The following CNTN5 variants were observed in gnomAD, a reference collection of about 807,000 sequenced individuals.
CNTN5 encodes contactin 5.
Under a neutral mutation model 129.1 loss-of-function variants are expected in CNTN5, and 77 were observed. The ratio of observed to expected loss-of-function variants is 0.60; its 90% confidence interval spans 0.50 to 0.72. The LOEUF is 0.72. Among genes scored for constraint, CNTN5 ranks in the 30% least tolerant of loss-of-function variants. The probability of loss-of-function intolerance (pLI) is 0.00; values close to 1 mark genes in which losing one functional copy is unlikely to be tolerated. For synonymous variants in CNTN5, 509 were observed against 465.6 expected, an observed-to-expected ratio of 1.09 and a Z score of -1.20; for missense variants, 1,478 against 1,328.8, an observed-to-expected ratio of 1.11 and a Z score of -1.75.
chr11:99,338,051 A>T (rs1054296617), intron 2 of CNTN5, among the ~76,000 whole-genome samples: 3 of 152,186 alleles, frequency 2.0e-5, no homozygotes, highest in Non-Finnish European at 4.4e-5. Context: ...TTGCTGTAAA[A>T]TAGAAAATTA....
rs745905925 is a variant in CNTN5 at position 100,061,288 on chromosome 11, G to A, written c.1057G>A (p.Val353Met). The change falls in exon 10 of 25, where the codon GTG (valine) becomes ATG (methionine). Residue 353 changes from valine to methionine, a missense_variant. Physicochemically the swap from Val to Met is conservative, Grantham distance 21 (BLOSUM62 1). Transcript: ENST00000524871. ...SKARLRKSQA[V>M]LEIPNVQLDD... ...GGCACGTCTGCGGAAATCTCAGGCG[G>A]TGCTGGAAATACCGAATGTACAGCT... The A allele has an allele frequency of 1.2e-6, 2 of 1,613,596 alleles. No homozygotes were observed. The highest frequency in any genetic ancestry group is 3.3e-5 in the Admixed American group (2 of 60,004).
At chr11:99,168,577 C>T (rs1198714239) in intron 1 of CNTN5, among the ~76,000 whole-genome samples, 1 of 43,612 alleles carries the variant, frequency 2.3e-5, no homozygotes, top group South Asian at 1.2e-3. Flanking sequence ...GAGACTCCAT[C>T]TCAAAACAAA....
chr11:99,573,989 G>A (rs184676889), intron 3 of CNTN5, among the ~76,000 whole-genome samples: 20 of 152,120 alleles, frequency 1.3e-4, no homozygotes, highest in Admixed American at 7.8e-4. Context: ...ACATGCCATG[G>A]TGGTTTGCTG....
At chr11:99,089,168 C>T (rs1026010515) in intron 1 of CNTN5, among the ~76,000 whole-genome samples, 2 of 151,766 alleles carry the variant, frequency 1.3e-5, no homozygotes, top group East Asian at 3.9e-4. Flanking sequence ...CCTTTTGTGT[C>T]TAATCTTAAT....
intron 1 of CNTN5, among the ~76,000 whole-genome samples, chr11:99,260,593 C>G (rs1227119145): frequency 1.3e-5 from 2 of 151,802 alleles, no homozygotes; most frequent in African/African-American, 4.8e-5. Flanking sequence ...ATCATTATTT[C>G]TGAAAACAAG....
At chr11:100,258,772 C>T (rs545704206) in intron 17 of CNTN5, among the ~76,000 whole-genome samples, 1 of 152,140 alleles carries the variant, frequency 6.6e-6, no homozygotes, top group Admixed American at 6.5e-5. Flanking sequence ...ACCAGGCCTG[C>T]CTTACAAGAG....
chr11:99,436,727 A>C (rs933039001), intron 2 of CNTN5, among the ~76,000 whole-genome samples: 1 of 152,130 alleles, frequency 6.6e-6, no homozygotes, highest in African/African-American at 2.4e-5. Flanking sequence ...TCAAAAATTC[A>C]ACATTTTATT....
rs577073889 is a variant in CNTN5 at position 99,415,375 on chromosome 11, G to A, written c.-71+89891G>A. 3.4e-4 allele frequency among the ~76,000 whole-genome samples: 51 copies of A among 152,236 alleles called. 2 individuals carry two copies. In the Middle Eastern group the frequency reaches 0.014, roughly 41 times the overall value. ...AGTGTGAGGAAGAAAACCCAGCAAG[G>A]CTTGTCTGTTCAGCTTCTTCTTGGC... On this transcript the variant is annotated intron_variant, in intron 2 of 24. Transcript: ENST00000524871.
At chr11:99,681,181 T>C (rs1455038475) in intron 3 of CNTN5, among the ~76,000 whole-genome samples, 1 of 152,102 alleles carries the variant, frequency 6.6e-6, no homozygotes, top group Non-Finnish European at 1.5e-5. Context: ...GTGAAGATGC[T>C]GTGAACATGG....
chr11:99,927,487 G>A (rs1265226726), intron 7 of CNTN5, among the ~76,000 whole-genome samples: 1 of 152,184 alleles, frequency 6.6e-6, no homozygotes, highest in Non-Finnish European at 1.5e-5. Context: ...TTGACTCACA[G>A]TTCTGCAGGG....
chr11:99,925,936 T>C (rs1007757123), intron 7 of CNTN5, among the ~76,000 whole-genome samples: 11 of 152,224 alleles, frequency 7.2e-5, no homozygotes, highest in African/African-American at 2.6e-4. Context: ...TCACCTGGGA[T>C]TTGGTCTCAG....
At chr11:99,382,844 A>AGTTTTTTTTTTTTTTTTTTTT (rs774797660) in intron 2 of CNTN5, among the ~76,000 whole-genome samples, 1 of 69,398 alleles carries the variant, frequency 1.4e-5, no homozygotes, top group Non-Finnish European at 2.4e-5. Flanking sequence ...TCTCTAAATA[A>AGTTTTTTTTTTTTTTTTTTTT]CTTTTTTTTT....
intron 21 of CNTN5, among the ~76,000 whole-genome samples, chr11:100,329,081 G>T (rs139294267): frequency 1.8e-3 from 276 of 152,260 alleles, no homozygotes; most frequent in African/African-American, 6.4e-3. Context: ...GCTATTGGAG[G>T]GGGGCGTGGT....
At chr11:99,448,963 T>C (rs1384148210) in intron 2 of CNTN5, among the ~76,000 whole-genome samples, 1 of 151,696 alleles carries the variant, frequency 6.6e-6, no homozygotes, top group Non-Finnish European at 1.5e-5. Flanking sequence ...GTGTTTTTTA[T>C]AGAGATGGGA....
rs568349595 is a variant in CNTN5, at chr11:99,949,465, G to A, written c.674-7341G>A. On this transcript the variant is annotated intron_variant, in intron 7 of 24. Transcript: ENST00000524871. ...AATAGACTGTTGTTGGTTAAGGCAG[G>A]GATTTGGGGGCTTTATCAGTGAATT... Among the ~76,000 whole-genome samples, 3 of 152,170 alleles carry A rather than the reference G, an allele frequency of 2.0e-5. No homozygotes were observed. The South Asian group carries it at 6.2e-4, about 32-fold the overall frequency.
chr11:99,609,493 T>A (rs1361746422), intron 3 of CNTN5, among the ~76,000 whole-genome samples: 1 of 152,138 alleles, frequency 6.6e-6, no homozygotes, highest in Non-Finnish European at 1.5e-5. Flanking sequence ...ATCATTAATG[T>A]ATTCAGGGAG....
chr11:99,642,663 T>C (rs576143242), intron 3 of CNTN5, among the ~76,000 whole-genome samples: 10 of 152,294 alleles, frequency 6.6e-5, no homozygotes, highest in African/African-American at 1.4e-4. Context: ...TTTTTAACTG[T>C]AGTCACGCTA....
intron 1 of CNTN5, among the ~76,000 whole-genome samples, chr11:99,083,502 T>G (rs771543010): frequency 6.6e-6 from 1 of 152,216 alleles, no homozygotes; most frequent in Non-Finnish European, 1.5e-5. Context: ...CAGTGATCAC[T>G]GCAAATCTTA....
At chr11:100,081,616 T>C (rs1944366889) in intron 13 of CNTN5, among the ~76,000 whole-genome samples, 2 of 152,242 alleles carry the variant, frequency 1.3e-5, no homozygotes, top group South Asian at 4.1e-4. Flanking sequence ...TTCAAGTGAT[T>C]AGCAAATAAA....
Sources: allele counts gnomAD v4.1 joint callset (sites outside exome capture counted in the v4.1 genomes callset), GRCh38; gene constraint gnomAD v4.1.1; transcripts MANE v1.5; gene names NCBI Gene and HGNC (gene_info 2026-07-23, HGNC 2026-07-21).